The following ANKRD54 variants were observed in gnomAD, a reference collection of about 807,000 sequenced individuals.
ANKRD54 encodes ankyrin repeat domain 54.
A neutral mutation model predicts 36.2 loss-of-function variants in ANKRD54; 26 were observed. The ratio of observed to expected loss-of-function variants is 0.72; its 90% CI spans 0.53 to 1.00. The LOEUF (loss-of-function observed/expected upper bound fraction) is 1.00. Ranked by LOEUF, ANKRD54 falls within the 50% of genes least tolerant of loss-of-function variation. ANKRD54 has a pLI of 0.00. For synonymous variants in ANKRD54, 209 were observed against 188.4 expected, an observed-to-expected ratio of 1.11 and a Z score of -0.89; for missense variants, 384 against 424.3, an observed-to-expected ratio of 0.91 and a Z score of 0.83.
At chr22:37,843,245 A>C (rs546632839) in intron 1 of ANKRD54, among the ~76,000 whole-genome samples, 2 of 152,248 alleles carry the variant, frequency 1.3e-5, no homozygotes, top group South Asian at 4.1e-4. Flanking sequence ...AAACATGGTG[A>C]AACCCCATCT....
upstream of ANKRD54, chr22:37,849,197 G>T: frequency 1.8e-6 from 1 of 557,582 alleles, no homozygotes; most frequent in Non-Finnish European, 3.2e-6. Flanking sequence ...TATTGGTCAG[G>T]CTGGTCTCAA....
rs745462454 is a variant in ANKRD54, at chr22:37,833,698, G to A, written c.533C>T (p.Thr178Met). Residue 178 changes from threonine (T) to methionine (M), a missense_variant, in exon 4 of 8, where the codon ACG becomes ATG. Around this residue, in one of 3 missense-constraint regions of ANKRD54, gnomAD observed 179 missense variants for 224.0 expected, o/e 0.80. Coordinates refer to ENST00000215941, the MANE Select transcript of ANKRD54 (RefSeq NM_138797.4). The part of the protein sequence containing the change: ...DPNQRDGLGN[T>M]PLHLAACTNH... Reference sequence around the variant, plus strand: ...GACATGCTTACCCAGGTGCAGTGGCGTGTTCCCCAGCCCATCTCGCTGGTT... The same window carrying A: ...GACATGCTTACCCAGGTGCAGTGGCATGTTCCCCAGCCCATCTCGCTGGTT... The A allele has an allele frequency of 9.3e-6, 15 of 1,614,000 alleles. No individual in the cohort carries two copies. The Admixed American group carries it at 1.5e-4, about 16-fold the overall frequency.
upstream of ANKRD54, chr22:37,848,110 A>C (rs1036592626): frequency 1.3e-5 from 2 of 153,794 alleles, no homozygotes; most frequent in African/African-American, 4.8e-5. Flanking sequence ...TCAGTGGCGG[A>C]GTAGGGACTG....
chr22:37,839,502 C>T (rs1267992127), intron 2 of ANKRD54, among the ~76,000 whole-genome samples: 6 of 152,250 alleles, frequency 3.9e-5, no homozygotes, highest in East Asian at 1.9e-4. Flanking sequence ...ATTCTCCTGC[C>T]GCAGCCTCCC....
chr22:37,833,351 A>T (rs1326059471), intron 4 of ANKRD54, 145 bp from the exon 5 acceptor site: 3 of 992,724 alleles, frequency 3.0e-6, no homozygotes, highest in Non-Finnish European at 4.6e-6. Context: ...ACAGCTAGGT[A>T]GGACTCAGAA....
intron 2 of ANKRD54, among the ~76,000 whole-genome samples, chr22:37,839,326 G>A (rs1923932695): frequency 6.6e-6 from 1 of 152,160 alleles, no homozygotes; most frequent in African/African-American, 2.4e-5. Flanking sequence ...TTCCTTTGCG[G>A]ACATGGATTT....
chr22:37,833,322 G>A, intron 4 of ANKRD54, 116 bp from the exon 5 acceptor site: 2 of 1,319,218 alleles, frequency 1.5e-6, no homozygotes, highest in South Asian at 1.3e-5. Flanking sequence ...TATGCCTACT[G>A]AGAAGGTATC....
chr22:37,841,088 A>G lies in ANKRD54; in HGVS notation c.329-854T>C, dbSNP rs1924184233. Among the ~76,000 whole-genome samples the G allele has an allele frequency of 2.0e-5, 3 of 151,480 alleles. No homozygotes were observed. In the South Asian group the frequency reaches 6.2e-4, roughly 31 times the overall value. Reference sequence around the variant, plus strand: ...CAAAGTGAGACTGTCTCAGGAAAAAAAAAAAAAAAAAAAGCCACAATGGCT... The same window carrying G: ...CAAAGTGAGACTGTCTCAGGAAAAAGAAAAAAAAAAAAAGCCACAATGGCT... On this transcript the variant is annotated intron_variant, in intron 1 of 7. Coordinates refer to ENST00000215941, the MANE Select transcript of ANKRD54 (RefSeq NM_138797.4).
In ANKRD54 at chr22:37,844,272, C is replaced by A; in HGVS notation, c.-34G>T. On this transcript the variant is annotated 5_prime_UTR_variant, in exon 1 of 8. Coordinates refer to ENST00000215941, the MANE Select transcript of ANKRD54 (RefSeq NM_138797.4). Reference sequence around the variant, plus strand: ...CTCCGCGCGGGCCTGGCCGCCTGAGCCTCGTTCCCGACCGACCAACGGACC... The same window carrying A: ...CTCCGCGCGGGCCTGGCCGCCTGAGACTCGTTCCCGACCGACCAACGGACC... 6.5e-7 allele frequency: 1 copy of A among 1,542,158 alleles called. No individual in the cohort carries two copies. Among genetic ancestry groups the A allele is most frequent in the South Asian group, 1.2e-5 (1 of 84,552 alleles).
intron 7 of ANKRD54, among the ~76,000 whole-genome samples, chr22:37,832,336 G>T (rs1029662554): frequency 4.1e-5 from 6 of 146,742 alleles, no homozygotes; most frequent in Admixed American, 1.4e-4. Flanking sequence ...CCTTGCTCTG[G>T]TTTTTTTTTT....
At chr22:37,834,943 C>T (rs78662157) in intron 3 of ANKRD54, among the ~76,000 whole-genome samples, 2,477 of 152,090 alleles carry the variant, frequency 0.016, 74 homozygotes, top group African/African-American at 0.058. Context: ...CCTGTAGTCT[C>T]AGCTACTTGG....
At chr22:37,838,628 G>C (rs937353606) in intron 2 of ANKRD54, 30 bp from the exon 3 acceptor site, 5 of 1,589,146 alleles carry the variant, frequency 3.1e-6, no homozygotes, top group Non-Finnish European at 4.3e-6. Context: ...GGGAGGAAGG[G>C]GGAGAAAGCG....
chr22:37,840,288 G>A, intron 1 of ANKRD54, 54 bp from the exon 2 acceptor site: 4 of 1,590,454 alleles, frequency 2.5e-6, no homozygotes, highest in Non-Finnish European at 2.6e-6. Context: ...GCTGGGTGCG[G>A]TGGCTCATGC....
intron 3 of ANKRD54, among the ~76,000 whole-genome samples, chr22:37,837,347 T>C (rs1375386688): frequency 2.0e-5 from 3 of 152,146 alleles, no homozygotes; most frequent in Non-Finnish European, 2.9e-5. Context: ...ACAAATCACA[T>C]ATACAAGAAT....
chr22:37,844,205 G>A lies in ANKRD54; in HGVS notation c.34C>T (p.Pro12Ser). 6.6e-7 allele frequency: 1 copy of A among 1,522,118 alleles called. No homozygotes were observed. Among genetic ancestry groups the A allele is most frequent in the Middle Eastern group, 1.7e-4 (1 of 5,890 alleles). 94.3% of individuals were successfully genotyped at this position (1,522,118 alleles called of 1,614,324 possible). A position where few individuals can be genotyped will look rare whatever the true frequency, so the allele number is the denominator to read the frequency against. ...TCCGAGCTCGAGTGGCCTGAGCGCG[G>A]CTCGTCGTCCGCGTCCCCGGCGGCG... ...AAAAGDADDE[P>S]RSGHSSSEGE... The change falls in exon 1 of 8, where the codon CCG becomes TCG. Residue 12 changes from proline (P) to serine (S), a missense_variant. Around this residue, in one of 3 missense-constraint regions of ANKRD54, gnomAD observed 195 missense variants for 177.7 expected, o/e 1.10. Transcript: ENST00000215941.
chr22:37,832,581 G>C (rs1019914066), intron 7 of ANKRD54, 56 bp downstream of exon 7: 1 of 1,526,864 alleles, frequency 6.5e-7, no homozygotes, highest in African/African-American at 1.4e-5. Context: ...GAGCAGGGTG[G>C]ACTGGCCCTG....
upstream of ANKRD54, chr22:37,849,255 C>G (rs6000907): frequency 0.081 from 53,297 of 659,222 alleles, 4,207 homozygotes; most frequent in African/African-American, 0.33. Context: ...GCCTCCCAAA[C>G]TGGTGGGGTT....
In ANKRD54 at chr22:37,840,227, C is replaced by T. The variant is rs150780619; in HGVS notation, c.336G>A (p.Lys112=). 4.3e-6 allele frequency: 7 copies of T among 1,613,908 alleles called. No homozygotes were observed. The African/African-American group carries it at 6.7e-5, about 15-fold the overall frequency. The change falls in exon 2 of 8, where the codon AAG becomes AAA. Residue 112 remains lysine (K), a synonymous_variant. Transcript: ENST00000215941. ...TGGCATTGGCCGAGTCCCTCAGTCT[C>T]TTCAGAGCTGTAAAGAGAGTAACGG... ...GPTGKEVHAL[K]RLRDSANAND...
intron 1 of ANKRD54, among the ~76,000 whole-genome samples, chr22:37,843,264 A>G (rs1482866669): frequency 6.6e-6 from 1 of 152,074 alleles, no homozygotes; most frequent in Non-Finnish European, 1.5e-5. Flanking sequence ...CTTTACTAAA[A>G]TTACAATAAT....
Sources: gnomAD v4.1 joint callset for allele counts (sites outside exome capture counted in the v4.1 genomes callset) on GRCh38, gnomAD v4.1.1 for gene constraint, gnomAD v4.1.1 regional missense constraint, MANE v1.5 for transcripts, NCBI Gene and HGNC (gene_info 2026-07-23, HGNC 2026-07-21) for gene names.